Variants in JAK1 observed in about 807,000 individuals in gnomAD.
JAK1 encodes the protein Janus kinase 1, also known as tyrosine-protein kinase JAK1.
In JAK1, 16 loss-of-function variants were observed where a neutral mutation model predicts 136.6. That is an observed-to-expected ratio of 0.12 (90% CI 0.08 to 0.18). JAK1 has a LOEUF of 0.18. JAK1 is among the 10% of genes least tolerant of loss of function. The pLI is 1.00. For synonymous variants in JAK1, 492 were observed against 519.5 expected, an observed-to-expected ratio of 0.95 and a Z score of 0.72; for missense variants, 859 against 1,450.1, an observed-to-expected ratio of 0.59 and a Z score of 6.62.
intron 5 of JAK1, among the ~76,000 whole-genome samples, chr1:64,872,114 C>T (rs114415408): frequency 6.6e-6 from 1 of 152,302 alleles, no homozygotes; most frequent in African/African-American, 2.4e-5. Flanking sequence ...CCCTCTACAT[C>T]AGATCTTTTC....
At chr1:64,985,390 A>T in intron 2 of JAK1, 1 of 1,610,930 alleles carries the variant, frequency 6.2e-7, no homozygotes, top group South Asian at 1.1e-5. Flanking sequence ...ATGTCTTGGG[A>T]TACATCCTGG....
At chr1:64,961,995 A>G (rs1455496437) in intron 1 of JAK1, among the ~76,000 whole-genome samples, 1 of 152,204 alleles carries the variant, frequency 6.6e-6, no homozygotes, top group African/African-American at 2.4e-5. Flanking sequence ...AAAGAAAGAT[A>G]ACAAGGGGAA....
chr1:64,872,873 G>T (rs1000894298), intron 5 of JAK1, among the ~76,000 whole-genome samples: 1 of 152,094 alleles, frequency 6.6e-6, no homozygotes, highest in African/African-American at 2.4e-5. Flanking sequence ...AAAAATCTTA[G>T]CAATCTCAGA....
chr1:64,915,356 G>A (rs950397377), intron 1 of JAK1, among the ~76,000 whole-genome samples: 2 of 152,198 alleles, frequency 1.3e-5, no homozygotes, highest in African/African-American at 2.4e-5. Context: ...AATTGACTTC[G>A]ATAATCCACA....
At chr1:64,989,664 A>C (rs1646637027) in intron 2 of JAK1, 1 of 152,202 alleles carries the variant, frequency 6.6e-6, no homozygotes, top group Non-Finnish European at 1.5e-5. Context: ...GTAGAAGAAC[A>C]AGGCCTGAGG....
chr1:64,989,246 A>G (rs1316060343), intron 2 of JAK1, among the ~76,000 whole-genome samples: 1 of 149,932 alleles, frequency 6.7e-6, no homozygotes, highest in Non-Finnish European at 1.5e-5. Flanking sequence ...AATTGTTTGA[A>G]CCTGGGAGGC....
chr1:64,885,517 G>A (rs1253938320), intron 2 of JAK1, among the ~76,000 whole-genome samples: 1 of 152,172 alleles, frequency 6.6e-6, no homozygotes, highest in Non-Finnish European at 1.5e-5. Context: ...ACTTTGGGAG[G>A]CCAAGGCGGG....
At chr1:64,907,231 C>T (rs560502224) in intron 1 of JAK1, among the ~76,000 whole-genome samples, 4 of 152,228 alleles carry the variant, frequency 2.6e-5, no homozygotes, top group East Asian at 1.9e-4. Flanking sequence ...TGTATGCATA[C>T]GTTCTATCTA....
intron 1 of JAK1, among the ~76,000 whole-genome samples, chr1:65,054,827 A>T (rs541354263): frequency 6.6e-6 from 1 of 152,190 alleles, no homozygotes; most frequent in Non-Finnish European, 1.5e-5. Flanking sequence ...GCTATGTTGG[A>T]AACCCTGGAA....
At chr1:64,862,087 G>A (rs1183254011) in intron 8 of JAK1, among the ~76,000 whole-genome samples, 4 of 152,182 alleles carry the variant, frequency 2.6e-5, no homozygotes, top group Non-Finnish European at 5.9e-5. Flanking sequence ...TCAAAGCACT[G>A]CCTGATTAAA....
At chr1:64,970,143 A>AAAAAAAAAAAAC (rs1426394578), upstream of JAK1, among the ~76,000 whole-genome samples, 1 of 148,430 alleles carries the variant, frequency 6.7e-6, no homozygotes, top group African/African-American at 2.5e-5. Flanking sequence ...TCAAAAAAAA[A>AAAAAAAAAAAAC]AAAAAAAAAA....
intron 1 of JAK1, among the ~76,000 whole-genome samples, chr1:64,908,833 T>C: frequency 6.6e-6 from 1 of 152,036 alleles, no homozygotes; most frequent in East Asian, 1.9e-4. Flanking sequence ...ACTGTATAAT[T>C]AGAGGCAGTC....
intron 20 of JAK1, among the ~76,000 whole-genome samples, chr1:64,838,942 G>A (rs935896415): frequency 1.3e-5 from 2 of 151,642 alleles, no homozygotes; most frequent in Non-Finnish European, 2.9e-5. Flanking sequence ...TCAGGAGATC[G>A]AGACCATCCT....
At chr1:64,996,552 C>T (rs1470701579) in intron 2 of JAK1, among the ~76,000 whole-genome samples, 3 of 152,198 alleles carry the variant, frequency 2.0e-5, no homozygotes, top group Non-Finnish European at 2.9e-5. Context: ...CTAACAGATA[C>T]ATTCTAACAA....
chr1:64,985,766 C>A, intron 2 of JAK1: 1 of 655,484 alleles, frequency 1.5e-6, no homozygotes, highest in African/African-American at 1.8e-5. Flanking sequence ...CTACTTTACA[C>A]AGTCCCATAA....
At chr1:64,931,533 T>C (rs1049066532) in intron 1 of JAK1, among the ~76,000 whole-genome samples, 1 of 151,866 alleles carries the variant, frequency 6.6e-6, no homozygotes, top group Non-Finnish European at 1.5e-5. Context: ...TGTCCTACCA[T>C]GGTGGCACAA....
At chr1:65,037,175 GCA>G (rs1647082377) in intron 2 of JAK1, among the ~76,000 whole-genome samples, 1 of 152,142 alleles carries the variant, frequency 6.6e-6, no homozygotes, top group African/African-American at 2.4e-5. Context: ...GACAGAGCAA[GCA>G]AGACCTCATC....
At chr1:64,885,752 C>CA (rs1223124394) in intron 2 of JAK1, among the ~76,000 whole-genome samples, 91 of 126,194 alleles carry the variant, frequency 7.2e-4, no homozygotes, top group African/African-American at 1.1e-3. Flanking sequence ...GAGTCCGACT[C>CA]AAAAAAAAAA....
intron 2 of JAK1, among the ~76,000 whole-genome samples, chr1:65,026,668 T>C (rs1646979905): frequency 6.6e-6 from 1 of 152,182 alleles, no homozygotes; most frequent in African/African-American, 2.4e-5. Context: ...GTTTGCATTT[T>C]AAATAAGAAG....
Sources: gnomAD v4.1 joint callset for allele counts (sites outside exome capture counted in the v4.1 genomes callset) on GRCh38, gnomAD v4.1.1 for gene constraint, MANE v1.5 for transcripts, NCBI Gene and HGNC (gene_info 2026-07-23, HGNC 2026-07-21) for gene names.